Variants in PRIM2 observed in about 807,000 individuals in gnomAD.
PRIM2 encodes the protein DNA primase subunit 2.
Under a neutral mutation model 67.3 loss-of-function variants are expected in PRIM2, and 39 were observed. The observed-to-expected ratio is 0.58, with a 90% CI of 0.45 to 0.76. PRIM2 has a LOEUF of 0.76. PRIM2 is among the 30% of genes least tolerant of loss of function. The probability of loss-of-function intolerance (pLI) is 0.00; values close to 1 mark genes in which losing one functional copy is unlikely to be tolerated. For synonymous variants in PRIM2, 143 were observed against 198.7 expected (o/e 0.72, Z 2.36); for missense variants, 398 against 598.7 (o/e 0.66, Z 3.50).
At chr6:57,512,442 T>A (rs1774390310) in intron 8 of PRIM2, among the ~76,000 whole-genome samples, 1 of 152,168 alleles carries the variant, frequency 6.6e-6, no homozygotes, top group African/African-American at 2.4e-5. Flanking sequence ...TCAAACTGAC[T>A]GGAGTTTAAA....
intron 7 of PRIM2, among the ~76,000 whole-genome samples, chr6:57,435,560 A>G (rs182476788): frequency 5.6e-4 from 85 of 152,336 alleles, no homozygotes; most frequent in Non-Finnish European, 5.1e-4. Context: ...CTTCTGAAAT[A>G]TGGGCTTCTG....
At chr6:57,645,838 G>T (rs1419148389) in intron 13 of PRIM2, 90 bp from the exon 14 acceptor site, 49 of 684,454 alleles carry the variant, frequency 7.2e-5, no homozygotes, top group Non-Finnish European at 1.2e-4. Flanking sequence ...CAGGTATTAA[G>T]TTTTAAACAA....
chr6:57,539,586 GTC>G (rs1374830632), intron 10 of PRIM2, among the ~76,000 whole-genome samples: 4 of 145,886 alleles, frequency 2.7e-5, no homozygotes, highest in South Asian at 2.2e-4. Context: ...GTGTGTGTGT[GTC>G]AATTATAGTT....
At chr6:57,600,438 A>G (rs1776443399) in intron 10 of PRIM2, among the ~76,000 whole-genome samples, 1 of 151,636 alleles carries the variant, frequency 6.6e-6, no homozygotes, top group Admixed American at 6.6e-5. Context: ...GGCTCACTGC[A>G]GCCTCAACCC....
At chr6:57,290,149 G>T in the PRIM2 span, among the ~76,000 whole-genome samples, 151 of 151,908 alleles carry the variant, frequency 9.9e-4, no homozygotes, top group African/African-American at 3.5e-3. Flanking sequence ...AAAAGCAGGG[G>T]TTGCAATCTT....
intron 7 of PRIM2, among the ~76,000 whole-genome samples, chr6:57,475,840 A>G (rs1773465224): frequency 6.6e-6 from 1 of 152,250 alleles, no homozygotes; most frequent in African/African-American, 2.4e-5. Context: ...CGTAAGAGAC[A>G]TGGCACGTTT....
At chr6:57,327,851 A>G (rs978816603) in intron 5 of PRIM2, among the ~76,000 whole-genome samples, 1 of 151,982 alleles carries the variant, frequency 6.6e-6, no homozygotes, top group Non-Finnish European at 1.5e-5. Flanking sequence ...ATGGAAGACA[A>G]TTTTTCCACG....
chr6:57,591,206 TA>T (rs1439370396), intron 10 of PRIM2, among the ~76,000 whole-genome samples: 2 of 152,192 alleles, frequency 1.3e-5, no homozygotes, highest in Non-Finnish European at 2.9e-5. Context: ...CATAAGAATT[TA>T]AAAGGGGGCA....
upstream of PRIM2, among the ~76,000 whole-genome samples, chr6:57,313,719 G>A (rs183041824): frequency 2.2e-4 from 34 of 152,298 alleles, no homozygotes; most frequent in Admixed American, 2.2e-3. Flanking sequence ...AATACCTCAT[G>A]TTCTCTGCTT....
At chr6:57,281,445 A>G in the PRIM2 span, among the ~76,000 whole-genome samples, 5 of 152,236 alleles carry the variant, frequency 3.3e-5, no homozygotes, top group African/African-American at 4.8e-5. Flanking sequence ...GTTTCTCCAC[A>G]TCCTCAGCCG....
chr6:57,260,367 C>T, the PRIM2 span, among the ~76,000 whole-genome samples: 1 of 152,076 alleles, frequency 6.6e-6, no homozygotes, highest in Non-Finnish European at 1.5e-5. Context: ...CAAATGGAAA[C>T]TTTGTAAATT....
chr6:57,451,905 T>C (rs1772566176), intron 7 of PRIM2, among the ~76,000 whole-genome samples: 1 of 151,692 alleles, frequency 6.6e-6, no homozygotes, highest in Non-Finnish European at 1.5e-5. Flanking sequence ...TAACATTAGG[T>C]ATATCTCCAA....
chr6:57,355,728 C>T (rs1037372694), intron 5 of PRIM2, among the ~76,000 whole-genome samples: 2 of 152,196 alleles, frequency 1.3e-5, no homozygotes, highest in South Asian at 2.1e-4. Flanking sequence ...CTTCACCTCC[C>T]CAGGCTCAGG....
intron 12 of PRIM2, among the ~76,000 whole-genome samples, chr6:57,614,144 A>G (rs1226010597): frequency 6.6e-6 from 1 of 152,208 alleles, no homozygotes; most frequent in African/African-American, 2.4e-5. Context: ...CTGTCAGATC[A>G]GTGGCCATGT....
chr6:57,302,989 C>T, the PRIM2 span, among the ~76,000 whole-genome samples: 1 of 152,034 alleles, frequency 6.6e-6, no homozygotes, highest in Non-Finnish European at 1.5e-5. Context: ...TAAAAAAGCC[C>T]TTAAAAGGAA....
chr6:57,365,955 A>G (rs1204649510), intron 5 of PRIM2, among the ~76,000 whole-genome samples: 6 of 135,930 alleles, frequency 4.4e-5, no homozygotes, highest in Non-Finnish European at 4.7e-5. Flanking sequence ...ATCTCAAAAA[A>G]AAAAAAAAAA....
chr6:57,555,760 C>A (rs1327765873), intron 10 of PRIM2, among the ~76,000 whole-genome samples: 169 of 152,146 alleles, frequency 1.1e-3, no homozygotes, highest in Non-Finnish European at 5.7e-4. Flanking sequence ...ACTAGATAAG[C>A]TTTATGACAT....
intron 7 of PRIM2, among the ~76,000 whole-genome samples, chr6:57,484,249 A>G (rs1420524490): frequency 6.6e-6 from 1 of 152,242 alleles, no homozygotes. Flanking sequence ...ATGATTGCAT[A>G]AAGCCTTTTT....
intron 8 of PRIM2, among the ~76,000 whole-genome samples, chr6:57,527,035 T>C (rs1774769024): frequency 6.6e-6 from 1 of 152,246 alleles, no homozygotes; most frequent in African/African-American, 2.4e-5. Flanking sequence ...GATTCTCCTT[T>C]AGAACCATCT....
Sources: allele counts gnomAD v4.1 joint callset (sites outside exome capture counted in the v4.1 genomes callset), GRCh38; gene constraint gnomAD v4.1.1; transcripts MANE v1.5; gene names NCBI Gene and HGNC (gene_info 2026-07-23, HGNC 2026-07-21).